MAP3K5: variants seen among roughly 807,000 people sequenced by gnomAD.
The protein encoded by MAP3K5 is ASK-1.
In MAP3K5, 56 loss-of-function variants were observed where a neutral mutation model predicts 158.7. The ratio of observed to expected loss-of-function variants is 0.35; its 90% CI spans 0.28 to 0.44. The LOEUF is 0.44. Ranked by LOEUF, MAP3K5 falls within the 20% of genes least tolerant of loss-of-function variation. The pLI is 1.00. For synonymous variants in MAP3K5, 579 were observed against 601.7 expected, an observed-to-expected ratio of 0.96 and a Z score of 0.55; for missense variants, 1,294 against 1,674.8, an observed-to-expected ratio of 0.77 and a Z score of 3.97.
intron 3 of MAP3K5, among the ~76,000 whole-genome samples, chr6:136,702,395 T>G (rs188603215): frequency 1.3e-5 from 2 of 152,254 alleles, no homozygotes; most frequent in African/African-American, 4.8e-5. Flanking sequence ...TTTCCCAAGT[T>G]GGCTCACGTG....
At chr6:136,740,298 C>T (rs993910432) in intron 1 of MAP3K5, among the ~76,000 whole-genome samples, 3 of 152,154 alleles carry the variant, frequency 2.0e-5, no homozygotes, top group Non-Finnish European at 4.4e-5. Context: ...TTTTTACCTT[C>T]CCCCTCTTTC....
chr6:136,682,003 G>A (rs1221733802), intron 7 of MAP3K5, among the ~76,000 whole-genome samples: 4 of 152,184 alleles, frequency 2.6e-5, no homozygotes, highest in African/African-American at 7.2e-5. Flanking sequence ...GCTGAATGTG[G>A]TATTAAATCA....
rs774499534 is a variant in MAP3K5, at chr6:136,592,209, G to A, written c.3189C>T (p.Asp1063=). 1.1e-5 allele frequency: 18 copies of A among 1,603,378 alleles called. No individual in the cohort carries two copies. The highest frequency in any genetic ancestry group is 1.5e-5 in the Non-Finnish European group (18 of 1,175,906). ...ATTCCATTAGGTTTCTCACAATTTT[G>A]TCTTGGTCTTCCGTCAGGATCCTGT... ...TLHRILTEDQ[D]KIVRNLMESL... is the part of the protein sequence containing the mutation. The change falls in exon 23 of 30, where the codon GAC becomes GAT. Residue 1063 remains aspartate (D), a synonymous_variant. Transcript: ENST00000359015.
intron 1 of MAP3K5, among the ~76,000 whole-genome samples, chr6:136,765,960 A>G (rs769577850): frequency 2.0e-5 from 3 of 152,168 alleles, no homozygotes; most frequent in Non-Finnish European, 4.4e-5. Flanking sequence ...AAATTTTGTC[A>G]TAAAATATAC....
chr6:136,773,152 C>T (rs963992771), intron 1 of MAP3K5, among the ~76,000 whole-genome samples: 6 of 152,188 alleles, frequency 3.9e-5, no homozygotes, highest in Admixed American at 2.6e-4. Context: ...TTGCCTTCCA[C>T]ATTCCCATGG....
intron 1 of MAP3K5, among the ~76,000 whole-genome samples, chr6:136,757,591 T>TTA (rs1554314438): frequency 6.1e-5 from 9 of 146,722 alleles, no homozygotes; most frequent in African/African-American, 2.0e-4. Flanking sequence ...TTTTTATTTT[T>TTA]TTTTTTTTTT....
intron 10 of MAP3K5, among the ~76,000 whole-genome samples, chr6:136,652,640 T>C (rs1778570371): frequency 6.6e-6 from 1 of 152,206 alleles, no homozygotes; most frequent in Non-Finnish European, 1.5e-5. Context: ...ATATACTCCA[T>C]TCCCAAATTA....
At chr6:136,765,119 T>C (rs1286675915) in intron 1 of MAP3K5, among the ~76,000 whole-genome samples, 2 of 152,172 alleles carry the variant, frequency 1.3e-5, no homozygotes, top group African/African-American at 2.4e-5. Context: ...TACAGAAACA[T>C]AATAAAAGCA....
At chr6:136,737,811 A>G (rs1290900771) in intron 1 of MAP3K5, among the ~76,000 whole-genome samples, 2 of 152,208 alleles carry the variant, frequency 1.3e-5, no homozygotes, top group Non-Finnish European at 2.9e-5. Context: ...GTGCAAAGTC[A>G]AATGAAATAG....
At chr6:136,605,162 C>A (rs1776050224) in intron 19 of MAP3K5, 47 bp downstream of exon 19, 1 of 1,582,562 alleles carries the variant, frequency 6.3e-7, no homozygotes, top group African/African-American at 1.4e-5. Context: ...CATCCAACAG[C>A]TATAAAAAGC....
intron 2 of MAP3K5, among the ~76,000 whole-genome samples, chr6:136,716,026 T>TAAAAA: frequency 2.0e-4 from 1 of 4,886 alleles, no homozygotes; most frequent in Non-Finnish European, 4.8e-4. Flanking sequence ...CAAGATCGTC[T>TAAAAA]CAAAAAAAAA....
At chr6:136,633,582 G>T (rs1222037150) in intron 14 of MAP3K5, among the ~76,000 whole-genome samples, 1 of 152,090 alleles carries the variant, frequency 6.6e-6, no homozygotes, top group African/African-American at 2.4e-5. Flanking sequence ...GTTCTTAGTA[G>T]ATCCAGCTTG....
intron 6 of MAP3K5, among the ~76,000 whole-genome samples, chr6:136,694,886 A>C (rs1193165395): frequency 6.6e-6 from 1 of 152,148 alleles, no homozygotes; most frequent in Non-Finnish European, 1.5e-5. Flanking sequence ...AAATTCTATA[A>C]GAGTTATCAT....
At chr6:136,751,720 C>G (rs937215025) in intron 1 of MAP3K5, among the ~76,000 whole-genome samples, 4 of 152,184 alleles carry the variant, frequency 2.6e-5, no homozygotes, top group Admixed American at 2.6e-4. Context: ...GTATGATTTG[C>G]TAATGCAGGC....
intron 1 of MAP3K5, among the ~76,000 whole-genome samples, chr6:136,745,157 T>G (rs1450480978): frequency 6.6e-6 from 1 of 151,352 alleles, no homozygotes; most frequent in Non-Finnish European, 1.5e-5. Flanking sequence ...TTTTTTTTTT[T>G]TTTTTTTTGA....
intron 21 of MAP3K5, among the ~76,000 whole-genome samples, chr6:136,600,746 C>G (rs978527231): frequency 1.3e-5 from 2 of 152,122 alleles, no homozygotes; most frequent in Non-Finnish European, 1.5e-5. Flanking sequence ...TTACTTCACT[C>G]AAATTGAAGC....
At position 136,694,128 on chromosome 6, in the gene MAP3K5, C is replaced by T. The variant is rs200023737; in HGVS notation, c.1253+12G>A. ...ACTAAGTAAGTAGCTCATTTATATA[C>T]TATTTACTTACCAAGAAGCTCCATG... is the stretch of plus-strand genomic sequence containing the variant. On this transcript the variant is annotated intron_variant, in intron 7 of 29. Transcript: ENST00000359015. 6.2e-5 allele frequency: 100 copies of T among 1,604,282 alleles called. No homozygotes were observed. In the East Asian group the frequency reaches 2.2e-3, roughly 35 times the overall value.
At chr6:136,654,822 T>C (rs1459987064) in intron 10 of MAP3K5, among the ~76,000 whole-genome samples, 2 of 152,240 alleles carry the variant, frequency 1.3e-5, no homozygotes, top group Non-Finnish European at 2.9e-5. Context: ...TGCACAGTTT[T>C]ATAAAACATT....
At position 136,614,261 on chromosome 6, in the gene MAP3K5, T is replaced by C. The variant is rs1394608705; in HGVS notation, c.2176A>G (p.Ile726Val). 2 of 1,613,700 alleles carry C rather than the reference T, an allele frequency of 1.2e-6. No individual in the cohort carries two copies. Among genetic ancestry groups the C allele is most frequent in the African/African-American group, 1.3e-5 (1 of 75,058 alleles). ...TGCTTCAGGTGTTTATGCAATGCTA[T>C]TTCTTCATGCAGGGGCTGAGAGTAT... is the stretch of plus-strand genomic sequence containing the variant. ...SRYSQPLHEE[I>V]ALHKHLKHKN... Residue 726 changes from isoleucine (I) to valine (V), a missense_variant, in exon 16 of 30, where the codon ATA (isoleucine) becomes GTA (valine). This residue lies in a region of MAP3K5 where 41 missense variants were observed against 98.2 expected (regional missense o/e 0.42). Coordinates refer to ENST00000359015, the MANE Select transcript of MAP3K5 (RefSeq NM_005923.4).
Sources: allele counts gnomAD v4.1 joint callset (sites outside exome capture counted in the v4.1 genomes callset), GRCh38; gene constraint gnomAD v4.1.1; regional missense constraint gnomAD v4.1.1; transcripts MANE v1.5; gene names NCBI Gene and HGNC (gene_info 2026-07-23, HGNC 2026-07-21).